The following PIP5K1A variants were observed in gnomAD, a reference collection of about 807,000 sequenced individuals.
PIP5K1A encodes phosphatidylinositol-4-phosphate 5-kinase type 1 alpha, also known as phosphatidylinositol 4-phosphate 5-kinase type-1 alpha.
PIP5K1A carries 46 observed loss-of-function variants against 72.9 expected under a neutral mutation model. That is an observed-to-expected ratio of 0.63 (90% confidence interval 0.50 to 0.81). PIP5K1A has a LOEUF of 0.81. Ranked by LOEUF, PIP5K1A falls within the 30% of genes least tolerant of loss-of-function variation. The pLI, the probability that PIP5K1A is intolerant of heterozygous loss-of-function variation, is 0.00. For synonymous variants in PIP5K1A, 228 were observed against 255.1 expected, an observed-to-expected ratio of 0.89 and a Z score of 1.01; for missense variants, 458 against 706.1, an observed-to-expected ratio of 0.65 and a Z score of 3.98.
At chr1:151,240,962 C>T (rs761742660) in intron 12 of PIP5K1A, among the ~76,000 whole-genome samples, 44 of 151,950 alleles carry the variant, frequency 2.9e-4, no homozygotes, top group Middle Eastern at 6.9e-3. Context: ...GTCAGGAGTT[C>T]GAGACCAGTC....
chr1:151,217,738 T>G (rs1051448562), intron 1 of PIP5K1A, among the ~76,000 whole-genome samples: 1 of 152,056 alleles, frequency 6.6e-6, no homozygotes, highest in African/African-American at 2.4e-5. Context: ...CCACCATGTC[T>G]GGCTAATTGT....
Position 151,222,566 on chromosome 1 carries a change from A to T in PIP5K1A, c.86-1679A>T, listed in dbSNP as rs145650594. On this transcript the variant is annotated intron_variant, in intron 1 of 15. Coordinates refer to ENST00000368888, the MANE Select transcript of PIP5K1A (RefSeq NM_001135638.2). ...AACTTTATTCAGTGACTTTTTGCAT[A>T]CAGAGGAGCTTACTTTCTAGGTGGT... Among the ~76,000 whole-genome samples, 207 of 152,218 alleles carry T rather than the reference A, an allele frequency of 1.4e-3. 2 individuals are homozygous for T. Among genetic ancestry groups the T allele is most frequent in the African/African-American group, 4.8e-3 (200 of 41,536 alleles).
chr1:151,216,348 C>CAAA (rs587687791), intron 1 of PIP5K1A, among the ~76,000 whole-genome samples: 2 of 53,352 alleles, frequency 3.7e-5, no homozygotes, highest in Non-Finnish European at 7.9e-5. Context: ...GACTCCGTCT[C>CAAA]AAAAAAAAAA....
intron 2 of PIP5K1A, 31 bp from the exon 3 acceptor site, chr1:151,224,340 T>C (rs1480656757): frequency 1.2e-6 from 2 of 1,609,010 alleles, no homozygotes; most frequent in Admixed American, 3.3e-5. Flanking sequence ...AAGGAACCTG[T>C]TTATGACATT....
intron 1 of PIP5K1A, among the ~76,000 whole-genome samples, chr1:151,219,119 G>A (rs1232630774): frequency 1.3e-5 from 2 of 152,164 alleles, no homozygotes; most frequent in East Asian, 1.9e-4. Flanking sequence ...AATGGCTCAC[G>A]CCTATAATCC....
intron 14 of PIP5K1A, among the ~76,000 whole-genome samples, chr1:151,243,459 A>G (rs1200944570): frequency 1.3e-5 from 2 of 152,206 alleles, no homozygotes; most frequent in Admixed American, 6.5e-5. Flanking sequence ...TAGATAACCA[A>G]TATACACATT....
At chr1:151,244,351 A>G (rs2101701449) in intron 14 of PIP5K1A, among the ~76,000 whole-genome samples, 1 of 152,296 alleles carries the variant, frequency 6.6e-6, no homozygotes, top group Non-Finnish European at 1.5e-5. Flanking sequence ...TAATCTAGGA[A>G]TGATTTAAAG....
intron 1 of PIP5K1A, among the ~76,000 whole-genome samples, chr1:151,212,495 G>A (rs1303216950): frequency 6.6e-6 from 1 of 152,090 alleles, no homozygotes; most frequent in Non-Finnish European, 1.5e-5. Flanking sequence ...AGGTGGGGCC[G>A]AGGATCAAAA....
intron 3 of PIP5K1A, among the ~76,000 whole-genome samples, chr1:151,225,605 G>A (rs1422288811): frequency 6.6e-6 from 1 of 151,892 alleles, no homozygotes; most frequent in Non-Finnish European, 1.5e-5. Flanking sequence ...AAGCAGCTGG[G>A]ATTACAGGTG....
intron 1 of PIP5K1A, among the ~76,000 whole-genome samples, chr1:151,211,845 T>C (rs1395176593): frequency 1.3e-5 from 2 of 150,482 alleles, no homozygotes; most frequent in Non-Finnish European, 2.9e-5. Context: ...GGCTCACGCC[T>C]GTAATTCCAG....
rs1378508990 is a variant in PIP5K1A at position 151,249,351 on chromosome 1, G to A, written c.*1486G>A. On this transcript the variant is annotated 3_prime_UTR_variant, in exon 16 of 16. Coordinates refer to ENST00000368888, the MANE Select transcript of PIP5K1A (RefSeq NM_001135638.2). The stretch of plus-strand genomic sequence containing the variant: ...ATTTAAGTGTTTTATTAAGGACAGA[G>A]TTCTGTTAGGGGTGGGAGGGAATAT... The A allele has an allele frequency of 2.0e-5, 3 of 151,878 alleles. No individual in the cohort carries two copies. The highest frequency in any genetic ancestry group is 6.6e-5 in the Admixed American group (1 of 15,246). The allele number at this position is 151,878 out of a possible 1,614,324, so 9.4% of individuals were successfully genotyped here. A position where few individuals can be genotyped will look rare whatever the true frequency, so the allele number is the denominator to read the frequency against.
chr1:151,227,275 G>T, intron 3 of PIP5K1A, 45 bp from the exon 4 acceptor site: 2 of 1,113,758 alleles, frequency 1.8e-6, no homozygotes, highest in Non-Finnish European at 1.4e-6. Flanking sequence ...TAGCTATTTG[G>T]TGTCTTACAT....
chr1:151,211,129 C>T (rs1686739026), intron 1 of PIP5K1A, among the ~76,000 whole-genome samples: 1 of 152,150 alleles, frequency 6.6e-6, no homozygotes, highest in African/African-American at 2.4e-5. Flanking sequence ...TCTGAAAGTG[C>T]AGGGAGAGGC....
rs752903328 is a variant in PIP5K1A, at chr1:151,224,286, T to C, written c.120+7T>C. ...GAGACCCATGGCATCTGAGGTGAGT[T>C]TCATACTGATACAATGGTTACTAAA... On this transcript the variant is annotated splice_region_variant and intron_variant, in intron 2 of 15. Coordinates refer to ENST00000368888, the MANE Select transcript of PIP5K1A (RefSeq NM_001135638.2). The C allele has an allele frequency of 5.6e-6, 9 of 1,612,826 alleles. No individual in the cohort carries two copies. The highest frequency in any genetic ancestry group is 7.6e-6 in the Non-Finnish European group (9 of 1,178,862).
intron 1 of PIP5K1A, among the ~76,000 whole-genome samples, chr1:151,223,355 A>G (rs1259748841): frequency 2.6e-5 from 4 of 151,128 alleles, no homozygotes; most frequent in Admixed American, 2.0e-4. Flanking sequence ...TCTCAAAAAA[A>G]AAAAAAAAGG....
chr1:151,199,469 C>T (rs895544221), intron 1 of PIP5K1A, among the ~76,000 whole-genome samples: 7 of 152,080 alleles, frequency 4.6e-5, no homozygotes, highest in Admixed American at 3.9e-4. Flanking sequence ...AAAAATTATC[C>T]GGACAGTAGT....
At chr1:151,227,635 A>T (rs1313657789) in intron 4 of PIP5K1A, among the ~76,000 whole-genome samples, 2 of 152,226 alleles carry the variant, frequency 1.3e-5, no homozygotes. Context: ...CCAGGCCTGT[A>T]ATCCCAGCAC....
At chr1:151,243,785 G>C (rs1434692918) in intron 14 of PIP5K1A, among the ~76,000 whole-genome samples, 1 of 152,106 alleles carries the variant, frequency 6.6e-6, no homozygotes, top group African/African-American at 2.4e-5. Context: ...TGTTTCTACT[G>C]ATACAGAAGA....
At chr1:151,220,343 A>G (rs1271116603) in intron 1 of PIP5K1A, among the ~76,000 whole-genome samples, 1 of 151,970 alleles carries the variant, frequency 6.6e-6, no homozygotes. Flanking sequence ...CAGATCAAGA[A>G]TTTTGATTAT....
Sources: gnomAD v4.1 joint callset for allele counts (sites outside exome capture counted in the v4.1 genomes callset) on GRCh38, gnomAD v4.1.1 for gene constraint, MANE v1.5 for transcripts, NCBI Gene and HGNC (gene_info 2026-07-23, HGNC 2026-07-21) for gene names.